LRRTM4: variants seen among roughly 807,000 people sequenced by gnomAD.
The protein encoded by LRRTM4 is leucine-rich repeat transmembrane neuronal protein 4.
LRRTM4 carries 25 observed loss-of-function variants against 47.6 expected under a neutral mutation model. The observed-to-expected ratio is 0.53, with a 90% confidence interval of 0.38 to 0.73. The LOEUF (loss-of-function observed/expected upper bound fraction) is 0.73. Among genes scored for constraint, LRRTM4 ranks in the 30% least tolerant of loss-of-function variants. The pLI is 0.00. For missense variants in LRRTM4, 638 were observed against 713.4 expected (o/e 0.89, Z 1.20); for synonymous variants, 311 against 269.5 (o/e 1.15, Z -1.51).
intron 3 of LRRTM4, among the ~76,000 whole-genome samples, chr2:77,093,290 A>G (rs1670707167): frequency 6.7e-6 from 1 of 149,186 alleles, no homozygotes; most frequent in South Asian, 2.1e-4. Context: ...TGGCAGGACT[A>G]TGCTGAATCT....
Position 76,894,122 on chromosome 2 carries a change from G to A in LRRTM4, c.1552-145206C>T, listed in dbSNP as rs1673336910. ...AAAATATACAGAGTACCAGTGGAAG[G>A]AATTCACAGAAAGAAATACTTGGGT... On this transcript the variant is annotated intron_variant, in intron 3 of 3. Transcript: ENST00000409884. Among the ~76,000 whole-genome samples the A allele has an allele frequency of 2.6e-5, 4 of 151,934 alleles. No homozygotes were observed. In the South Asian group the frequency reaches 8.3e-4, roughly 31 times the overall value.
At chr2:76,910,995 G>T (rs1232788113) in intron 3 of LRRTM4, among the ~76,000 whole-genome samples, 1 of 152,156 alleles carries the variant, frequency 6.6e-6, no homozygotes, top group African/African-American at 2.4e-5. Flanking sequence ...GAACACTAAT[G>T]CAGTGCAACC....
chr2:77,521,078 C>T (rs1679473569), intron 2 of LRRTM4, among the ~76,000 whole-genome samples: 1 of 151,880 alleles, frequency 6.6e-6, no homozygotes, highest in South Asian at 2.1e-4. Context: ...ATCTTGCTCT[C>T]TGTCCTCTTG....
rs1023604863 is a variant in LRRTM4, at chr2:76,923,769, A to G, written c.1552-174853T>C. 8.5e-5 allele frequency among the ~76,000 whole-genome samples: 13 copies of G among 152,134 alleles called. No individual in the cohort carries two copies. The East Asian group carries it at 1.9e-3, about 23-fold the overall frequency. On this transcript the variant is annotated intron_variant, in intron 3 of 3. Coordinates refer to ENST00000409884, the MANE Select transcript of LRRTM4 (RefSeq NM_001134745.3). The stretch of plus-strand genomic sequence containing the variant: ...TGCTATTTCCTTACTGTGTTTCACA[A>G]AGGCAAATAGGAATATTTGTATTTT...
chr2:77,317,109 C>A (rs991550780), intron 3 of LRRTM4, among the ~76,000 whole-genome samples: 2 of 151,916 alleles, frequency 1.3e-5, no homozygotes, highest in Non-Finnish European at 2.9e-5. Context: ...GAGCCTTTTA[C>A]AGTTGAGACA....
intron 3 of LRRTM4, among the ~76,000 whole-genome samples, chr2:76,927,909 C>T (rs192737234): frequency 2.0e-5 from 3 of 152,134 alleles, no homozygotes; most frequent in Admixed American, 6.6e-5. Context: ...GGAAGCAACA[C>T]GATTTATTTT....
chr2:77,156,640 A>G (rs1248561690), intron 3 of LRRTM4, among the ~76,000 whole-genome samples: 1 of 152,102 alleles, frequency 6.6e-6, no homozygotes, highest in East Asian at 1.9e-4. Flanking sequence ...CAACAAATGC[A>G]TTTGAACATG....
intron 3 of LRRTM4, among the ~76,000 whole-genome samples, chr2:76,842,584 G>A (rs1671715924): frequency 6.6e-6 from 1 of 152,104 alleles, no homozygotes; most frequent in South Asian, 2.1e-4. Context: ...CTAATAGAAA[G>A]CCTATATATT....
intron 3 of LRRTM4, among the ~76,000 whole-genome samples, chr2:76,930,537 C>T (rs1199114316): frequency 2.0e-5 from 3 of 152,192 alleles, no homozygotes; most frequent in African/African-American, 7.2e-5. Flanking sequence ...ATGGCACCAT[C>T]TGCTTTCTGC....
chr2:77,083,258 T>C (rs1225428524), intron 3 of LRRTM4, among the ~76,000 whole-genome samples: 2 of 152,136 alleles, frequency 1.3e-5, no homozygotes, highest in Admixed American at 1.3e-4. Flanking sequence ...TGATCAGCTA[T>C]TCCATGGTGC....
intron 3 of LRRTM4, among the ~76,000 whole-genome samples, chr2:76,775,024 T>C (rs577970056): frequency 2.6e-4 from 40 of 152,302 alleles, no homozygotes; most frequent in African/African-American, 8.9e-4. Flanking sequence ...TAGTGTGGTG[T>C]CTCTTAGCTC....
chr2:77,408,305 T>C (rs1000989043), intron 3 of LRRTM4, among the ~76,000 whole-genome samples: 1 of 152,206 alleles, frequency 6.6e-6, no homozygotes, highest in East Asian at 1.9e-4. Flanking sequence ...CTTTCATATC[T>C]GCTATCTAAT....
At chr2:77,391,436 T>A (rs1673500762) in intron 3 of LRRTM4, among the ~76,000 whole-genome samples, 1 of 152,040 alleles carries the variant, frequency 6.6e-6, no homozygotes, top group African/African-American at 2.4e-5. Context: ...AATTTTAAAA[T>A]ATCCTGGTTA....
rs756805701 is a variant in LRRTM4, at chr2:77,519,885, CAG to C, written c.5-23_5-22del. 1.3e-6 allele frequency: 2 copies of C among 1,544,190 alleles called. No individual in the cohort carries two copies. The highest frequency in any genetic ancestry group is 1.2e-5 in the South Asian group (1 of 82,268). The stretch of plus-strand genomic sequence containing the variant: ...GAAACCTACGATATTAAAAAAAAGA[CAG>C]ATGCACATTGTGAAGCTATTAAAAT... On this transcript the variant is annotated intron_variant, in intron 2 of 3. Coordinates refer to ENST00000409884, the MANE Select transcript of LRRTM4 (RefSeq NM_001134745.3). The surrounding 1 kb of genome is among the most constrained non-coding windows in gnomAD (Gnocchi z 4.6).
chr2:76,942,610 A>T (rs1675185071), intron 3 of LRRTM4, among the ~76,000 whole-genome samples: 2 of 150,982 alleles, frequency 1.3e-5, no homozygotes, highest in Admixed American at 6.6e-5. Context: ...AACATTTATG[A>T]ATACTGGTTC....
intron 3 of LRRTM4, among the ~76,000 whole-genome samples, chr2:77,133,060 G>A (rs1027441134): frequency 6.6e-6 from 1 of 152,176 alleles, no homozygotes; most frequent in Non-Finnish European, 1.5e-5. Context: ...AACTGAACCA[G>A]TCCTGGAGTG....
At chr2:76,899,976 C>G (rs924591027) in intron 3 of LRRTM4, among the ~76,000 whole-genome samples, 5 of 152,084 alleles carry the variant, frequency 3.3e-5, no homozygotes, top group Non-Finnish European at 7.4e-5. Flanking sequence ...CACCTGTAAT[C>G]TCAGCACTTT....
chr2:76,966,874 G>A (rs190876154), intron 3 of LRRTM4, among the ~76,000 whole-genome samples: 4 of 151,438 alleles, frequency 2.6e-5, no homozygotes, highest in African/African-American at 9.7e-5. Context: ...TTTTCAGATT[G>A]CTTGTATTGC....
At chr2:77,305,995 A>G (rs1297727378) in intron 3 of LRRTM4, among the ~76,000 whole-genome samples, 1 of 152,172 alleles carries the variant, frequency 6.6e-6, no homozygotes, top group Non-Finnish European at 1.5e-5. Flanking sequence ...CTTAAATTTA[A>G]CCATGTATTA....
Sources: gnomAD v4.1 joint callset for allele counts (sites outside exome capture counted in the v4.1 genomes callset) on GRCh38, gnomAD v4.1.1 for gene constraint, Gnocchi (gnomAD v3.1) non-coding constraint, MANE v1.5 for transcripts, NCBI Gene and HGNC (gene_info 2026-07-23, HGNC 2026-07-21) for gene names.